The following TNFAIP8L1 variants were observed in gnomAD, a reference collection of about 807,000 sequenced individuals.
TNFAIP8L1 encodes tumor necrosis factor alpha-induced protein 8-like protein 1.
For missense variants in TNFAIP8L1, 225 were observed against 266.1 expected, an observed-to-expected ratio of 0.85 and a Z score of 1.08; for synonymous variants, 127 against 125.6, an observed-to-expected ratio of 1.01 and a Z score of -0.08.
rs72620519 is a variant in TNFAIP8L1, at chr19:4,653,316, G to T, written c.*886G>T. 0.1 allele frequency: 16,899 copies of T among 166,448 alleles called. 1,378 individuals carry two copies. Among genetic ancestry groups the T allele is most frequent in the African/African-American group, 0.24 (9,776 of 41,154 alleles). 10.3% of individuals were successfully genotyped at this position (166,448 alleles called of 1,614,324 possible). A position where few individuals can be genotyped will look rare whatever the true frequency, so the allele number is the denominator to read the frequency against. ...AAGACTCTGTCTCAAAAAAAGAAGC[G>T]GGGGAGTGGGGGATTGAGGCCACGT... is the stretch of plus-strand genomic sequence containing the variant. On this transcript the variant is annotated 3_prime_UTR_variant, in exon 2 of 2. Coordinates refer to ENST00000327473, the MANE Select transcript of TNFAIP8L1 (RefSeq NM_152362.3).
chr19:4,649,418 G>A lies in TNFAIP8L1; in HGVS notation c.-3-2449G>A, dbSNP rs142820302. Among the ~76,000 whole-genome samples, 903 of 152,244 alleles carry A rather than the reference G, an allele frequency of 5.9e-3. 8 individuals carry two copies. Among genetic ancestry groups the A allele is most frequent in the African/African-American group, 0.021 (861 of 41,552 alleles). On this transcript the variant is annotated intron_variant, in intron 1 of 1. Transcript: ENST00000327473. ...TCTGCCCCAGGACAAAGTTCGTTCCGATCTTCCCCATATTTCAGATGGGGA... is the reference window on the plus strand; with the variant it reads ...TCTGCCCCAGGACAAAGTTCGTTCCAATCTTCCCCATATTTCAGATGGGGA...
intron 1 of TNFAIP8L1, among the ~76,000 whole-genome samples, chr19:4,644,694 C>T (rs66616337): frequency 0.15 from 21,885 of 149,976 alleles, 2,081 homozygotes; most frequent in African/African-American, 0.27. Flanking sequence ...ACCTCTGCCC[C>T]CCAGGTTCAT....
chr19:4,651,931 T>C lies in TNFAIP8L1; in HGVS notation c.62T>C (p.Met21Thr). 6.2e-7 allele frequency: 1 copy of C among 1,613,754 alleles called. No individual in the cohort carries two copies. The highest frequency in any genetic ancestry group is 8.5e-7 in the Non-Finnish European group (1 of 1,179,720). Reference protein sequence around the residue: ...LQAQKKLLSKMASKAVVAVLV... With the variant: ...LQAQKKLLSKTASKAVVAVLV... The stretch of plus-strand genomic sequence containing the variant: ...GCGCAGAAGAAGCTCCTGAGTAAGA[T>C]GGCGTCCAAGGCAGTGGTGGCCGTG... The change falls in exon 2 of 2, where the codon ATG becomes ACG. Residue 21 changes from methionine to threonine, a missense_variant. Physicochemically the swap from Met to Thr is moderately conservative, Grantham distance 81 (BLOSUM62 -1). Coordinates refer to ENST00000327473, the MANE Select transcript of TNFAIP8L1 (RefSeq NM_152362.3).
chr19:4,645,745 G>C lies in TNFAIP8L1; in HGVS notation c.-4+6116G>C, dbSNP rs901164609. Among the ~76,000 whole-genome samples the C allele has an allele frequency of 6.6e-6, 1 of 151,594 alleles. No individual in the cohort carries two copies. The highest frequency in any genetic ancestry group is 1.5e-5 in the Non-Finnish European group (1 of 67,900). ...AAAAGGAATATAGGGAGCAGGGGAA[G>C]AGTCAAGGGAGCCAGGGAGTTGGTG... On this transcript the variant is annotated intron_variant, in intron 1 of 1. Transcript: ENST00000327473. The surrounding 1 kb of genome is among the most constrained non-coding windows in gnomAD (Gnocchi z 4.1).
chr19:4,646,968 G>A (rs2088317698), intron 1 of TNFAIP8L1, among the ~76,000 whole-genome samples: 1 of 152,188 alleles, frequency 6.6e-6, no homozygotes, highest in South Asian at 2.1e-4. Context: ...CACACTTTGT[G>A]GCCTTGTGTG....
At chr19:4,648,217 G>A (rs990555825) in intron 1 of TNFAIP8L1, among the ~76,000 whole-genome samples, 1 of 152,246 alleles carries the variant, frequency 6.6e-6, no homozygotes, top group Non-Finnish European at 1.5e-5. Context: ...AGCTGTAGCA[G>A]GCTGTGTGTG....
intron 1 of TNFAIP8L1, among the ~76,000 whole-genome samples, chr19:4,646,610 C>T (rs2088313552): frequency 6.6e-6 from 1 of 151,882 alleles, no homozygotes; most frequent in Non-Finnish European, 1.5e-5. Context: ...CGCTTTCTGC[C>T]CTTGTGGACA....
At chr19:4,640,421 C>A (rs1028358060) in intron 1 of TNFAIP8L1, 2 of 152,278 alleles carry the variant, frequency 1.3e-5, no homozygotes, top group Non-Finnish European at 2.9e-5. Context: ...AGTTTATTTC[C>A]TGAGCCAGTC....
At chr19:4,650,671 A>G (rs10422437) in intron 1 of TNFAIP8L1, among the ~76,000 whole-genome samples, 6,798 of 149,182 alleles carry the variant, frequency 0.046, 493 homozygotes, top group African/African-American at 0.17. Flanking sequence ...CCACCTCCCC[A>G]GTCCCAGCCT....
At position 4,652,284 on chromosome 19, in the gene TNFAIP8L1, T is replaced by G; in HGVS notation, c.415T>G (p.Ser139Ala). The change falls in exon 2 of 2, where the codon TCC becomes GCC. Residue 139 changes from serine (S) to alanine (A), a missense_variant. Transcript: ENST00000327473. ...QAVGPHLTAK[S>A]HGRINHVFGH... Reference sequence around the variant, plus strand: ...CGTGGGTCCCCACCTGACCGCCAAGTCCCACGGCCGCATCAACCACGTGTT... The same window carrying G: ...CGTGGGTCCCCACCTGACCGCCAAGGCCCACGGCCGCATCAACCACGTGTT... 1 of 1,566,116 alleles carries G rather than the reference T, an allele frequency of 6.4e-7. No homozygotes were observed. The highest frequency in any genetic ancestry group is 8.6e-7 in the Non-Finnish European group (1 of 1,158,908).
chr19:4,644,092 A>G (rs1256793359), intron 1 of TNFAIP8L1, among the ~76,000 whole-genome samples: 1 of 148,002 alleles, frequency 6.8e-6, no homozygotes, highest in African/African-American at 2.5e-5. Context: ...GTGGTGGCGC[A>G]TGCCTGTAAT....
At position 4,652,066 on chromosome 19, in the gene TNFAIP8L1, T is replaced by A; in HGVS notation, c.197T>A (p.Val66Glu). 2 of 1,611,232 alleles carry A rather than the reference T, an allele frequency of 1.2e-6. No homozygotes were observed. Among genetic ancestry groups the A allele is most frequent in the Non-Finnish European group, 1.7e-6 (2 of 1,178,738 alleles). ...AAGATGCTCAAGAACCTGGTCAAGG[T>A]GGCCCTGAAGCTGGGACTGCTGCTG... ...AQKMLKNLVK[V>E]ALKLGLLLRG... Residue 66 changes from valine (V) to glutamate (E), a missense_variant, in exon 2 of 2, where the codon GTG becomes GAG. Physicochemically the swap from Val to Glu is moderately radical, Grantham distance 121. Transcript: ENST00000327473.
rs1274148900 is a variant in TNFAIP8L1, at chr19:4,652,368, C to G, written c.499C>G (p.Arg167Gly). ...GCTCTACGGCCCCGCCGAGCCCTAC[C>G]GCTCCCACCTGCGCAGGATCTGCGA... ...AALYGPAEPY[R>G]SHLRRICEGL... Residue 167 changes from arginine (R) to glycine (G), a missense_variant, in exon 2 of 2, where the codon CGC becomes GGC. Coordinates refer to ENST00000327473, the MANE Select transcript of TNFAIP8L1 (RefSeq NM_152362.3). 2 of 1,555,794 alleles carry G rather than the reference C, an allele frequency of 1.3e-6. No homozygotes were observed. The highest frequency in any genetic ancestry group is 2.7e-5 in the African/African-American group (2 of 73,308).
chr19:4,652,016 C>T lies in TNFAIP8L1; in HGVS notation c.147C>T (p.Phe49=). The change falls in exon 2 of 2, where the codon TTC becomes TTT. Residue 49 remains phenylalanine, a synonymous_variant. Coordinates refer to ENST00000327473, the MANE Select transcript of TNFAIP8L1 (RefSeq NM_152362.3). ...AGCTGTACCGCGCCACCAGGGAGTT[C>T]ACGCGCAGCCGCAAGGAGGCCCAGA... is the stretch of plus-strand genomic sequence containing the variant. ...LDELYRATRE[F]TRSRKEAQKM... is the part of the protein sequence containing the mutation. 6.2e-7 allele frequency: 1 copy of T among 1,614,056 alleles called. No homozygotes were observed. The highest frequency in any genetic ancestry group is 8.5e-7 in the Non-Finnish European group (1 of 1,179,964).
At chr19:4,647,559 C>T (rs1038993673) in intron 1 of TNFAIP8L1, among the ~76,000 whole-genome samples, 3 of 151,210 alleles carry the variant, frequency 2.0e-5, no homozygotes, top group Admixed American at 6.6e-5. Context: ...GATCTGCCCA[C>T]CTCAGCTTCC....
intron 1 of TNFAIP8L1, among the ~76,000 whole-genome samples, chr19:4,650,050 T>C (rs2088348003): frequency 6.6e-6 from 1 of 152,124 alleles, no homozygotes; most frequent in Non-Finnish European, 1.5e-5. Flanking sequence ...AGGCCCTCCC[T>C]CCTCCGCCAG....
At chr19:4,644,215 C>A (rs920787311) in intron 1 of TNFAIP8L1, among the ~76,000 whole-genome samples, 1 of 150,084 alleles carries the variant, frequency 6.7e-6, no homozygotes, top group Non-Finnish European at 1.5e-5. Flanking sequence ...GAGTGAAACT[C>A]CGTCTCAAAA....
intron 1 of TNFAIP8L1, chr19:4,640,008 C>G (rs1328714011): frequency 2.0e-5 from 3 of 152,714 alleles, no homozygotes; most frequent in African/African-American, 4.8e-5. Flanking sequence ...TAGCTTCTAG[C>G]TAAACCAGGC....
chr19:4,652,320 GCCGA>G lies in TNFAIP8L1; in HGVS notation c.453_456del (p.Asp152AlafsTer88). On this transcript the variant is annotated frameshift_variant, in exon 2 of 2. Coordinates refer to ENST00000327473, the MANE Select transcript of TNFAIP8L1 (RefSeq NM_152362.3). LOFTEE classifies it low-confidence loss of function (END_TRUNC). ...CATCAACCACGTGTTCGGCCACCTA[GCCGA>G]CTGCGACTTCCTGGCTGCGCTCTAC... 5 of 1,557,766 alleles carry G rather than the reference GCCGA, an allele frequency of 3.2e-6. No homozygotes were observed. Among genetic ancestry groups the G allele is most frequent in the Non-Finnish European group, 4.3e-6 (5 of 1,153,360 alleles).
Sources: gnomAD v4.1 joint callset for allele counts (sites outside exome capture counted in the v4.1 genomes callset) on GRCh38, gnomAD v4.1.1 for gene constraint, Gnocchi (gnomAD v3.1) non-coding constraint, MANE v1.5 for transcripts, NCBI Gene and HGNC (gene_info 2026-07-23, HGNC 2026-07-21) for gene names.